The following SYCP1 variants were observed in gnomAD, a reference collection of about 807,000 sequenced individuals.
SYCP1 encodes the protein cancer/testis antigen 8.
Under a neutral mutation model 153.1 loss-of-function variants are expected in SYCP1, and 64 were observed. The observed-to-expected ratio is 0.42, with a 90% CI of 0.34 to 0.51. SYCP1 has a LOEUF of 0.51. Among genes scored for constraint, SYCP1 ranks in the 20% least tolerant of loss-of-function variants. SYCP1 has a pLI of 0.06. For synonymous variants in SYCP1, 384 were observed against 341.8 expected, an observed-to-expected ratio of 1.12 and a Z score of -1.36; for missense variants, 997 against 1,049.0, an observed-to-expected ratio of 0.95 and a Z score of 0.68.
At chr1:114,944,828 G>GC (rs1557822011) in intron 24 of SYCP1, 44 bp from the exon 25 acceptor site, 1 of 1,334,036 alleles carries the variant, frequency 7.5e-7, no homozygotes, top group Admixed American at 2.4e-5. Flanking sequence ...TTTGTTTTTT[G>GC]TGCATTTATT....
intron 23 of SYCP1, among the ~76,000 whole-genome samples, chr1:114,929,603 G>C (rs1669494680): frequency 6.6e-6 from 1 of 151,890 alleles, no homozygotes; most frequent in African/African-American, 2.4e-5. Context: ...AAGACAAGTA[G>C]TATTATTAAA....
chr1:114,869,617 A>G, intron 8 of SYCP1, among the ~76,000 whole-genome samples: 1 of 152,176 alleles, frequency 6.6e-6, no homozygotes, highest in East Asian at 1.9e-4. Context: ...AATACTCCAA[A>G]ATCCAATTGA....
At chr1:114,887,973 G>T (rs1363939074) in intron 15 of SYCP1, among the ~76,000 whole-genome samples, 1 of 151,990 alleles carries the variant, frequency 6.6e-6, no homozygotes. Flanking sequence ...TTGATATTCT[G>T]TTTTCTTTAT....
At chr1:114,883,922 A>C (rs1191947240) in intron 12 of SYCP1, among the ~76,000 whole-genome samples, 1 of 152,014 alleles carries the variant, frequency 6.6e-6, no homozygotes, top group African/African-American at 2.4e-5. Flanking sequence ...CGAACTCCTG[A>C]CCTCATGATC....
intron 23 of SYCP1, among the ~76,000 whole-genome samples, chr1:114,940,726 T>TGAAAAAAAAAA (rs1378228728): frequency 1.3e-5 from 2 of 152,212 alleles, no homozygotes; most frequent in Non-Finnish European, 2.9e-5. Context: ...CTTACATACA[T>TGAAAAAAAAAA]GAAAATAATG....
At chr1:114,923,757 T>C (rs907821619) in intron 21 of SYCP1, 2 of 283,740 alleles carry the variant, frequency 7.0e-6, no homozygotes, top group Non-Finnish European at 1.2e-5. Flanking sequence ...TTTTAACGTG[T>C]TAAATATTTA....
chr1:114,870,613 G>A (rs1665049147), intron 8 of SYCP1, among the ~76,000 whole-genome samples: 1 of 152,132 alleles, frequency 6.6e-6, no homozygotes, highest in Admixed American at 6.5e-5. Flanking sequence ...CCAGTCTGTG[G>A]CTTGTATTCT....
intron 11 of SYCP1, 134 bp from the exon 12 acceptor site, chr1:114,877,960 G>A: frequency 1.8e-6 from 1 of 540,564 alleles, no homozygotes; most frequent in Non-Finnish European, 3.3e-6. Flanking sequence ...AGGGAGTAGA[G>A]ACCAGGGTGG....
intron 23 of SYCP1, 105 bp downstream of exon 23, chr1:114,926,668 A>G (rs1669275314): frequency 2.1e-6 from 2 of 960,646 alleles, no homozygotes. Context: ...TTATACCATA[A>G]CAGTATCAAT....
chr1:114,956,253 G>C (rs146474041), intron 27 of SYCP1, among the ~76,000 whole-genome samples: 1 of 152,240 alleles, frequency 6.6e-6, no homozygotes, highest in South Asian at 2.1e-4. Flanking sequence ...GATGGGTGGT[G>C]GGGGGACAGT....
intron 17 of SYCP1, among the ~76,000 whole-genome samples, chr1:114,911,007 C>T (rs972592027): frequency 1.3e-5 from 2 of 152,064 alleles, no homozygotes; most frequent in Admixed American, 6.5e-5. Context: ...TTATAGTGCT[C>T]ATGTTATAGT....
At chr1:114,856,182 C>A (rs1298441188) in intron 2 of SYCP1, among the ~76,000 whole-genome samples, 4 of 152,134 alleles carry the variant, frequency 2.6e-5, no homozygotes, top group Non-Finnish European at 5.9e-5. Flanking sequence ...TAAAACAATT[C>A]TTGTGGCTGC....
intron 15 of SYCP1, among the ~76,000 whole-genome samples, chr1:114,889,174 A>G (rs1223392141): frequency 6.6e-6 from 1 of 152,180 alleles, no homozygotes; most frequent in African/African-American, 2.4e-5. Context: ...ATATGTGTGC[A>G]TGTGTCTTTA....
At chr1:114,860,018 TA>T (rs1404352932) in intron 7 of SYCP1, among the ~76,000 whole-genome samples, 5 of 152,200 alleles carry the variant, frequency 3.3e-5, no homozygotes, top group Non-Finnish European at 7.4e-5. Flanking sequence ...CTTCACTTTT[TA>T]AAATGTCAGG....
At chr1:114,918,146 T>G (rs1055263732) in intron 20 of SYCP1, among the ~76,000 whole-genome samples, 6 of 152,132 alleles carry the variant, frequency 3.9e-5, no homozygotes, top group African/African-American at 1.4e-4. Flanking sequence ...TGATCCATTT[T>G]GATTTGATTT....
chr1:114,893,382 CATCTCT>C (rs918823459), intron 15 of SYCP1, among the ~76,000 whole-genome samples: 10 of 152,006 alleles, frequency 6.6e-5, no homozygotes, highest in African/African-American at 2.2e-4. Context: ...CTATCTATCT[CATCTCT>C]ATCTCTATCT....
At chr1:114,878,244 C>T (rs1170648449) in intron 12 of SYCP1, 42 bp downstream of exon 12, 1 of 1,214,206 alleles carries the variant, frequency 8.2e-7, no homozygotes, top group Non-Finnish European at 1.2e-6. Flanking sequence ...CTTATGTATT[C>T]CTCTTGTTAT....
At position 114,957,048 on chromosome 1, in the gene SYCP1, TTTG is replaced by T. The variant is rs912498235; in HGVS notation, c.2322+9746_2322+9748del. 1.6e-4 allele frequency among the ~76,000 whole-genome samples: 24 copies of T among 145,798 alleles called. No homozygotes were observed. The East Asian group carries it at 4.3e-3, about 26-fold the overall frequency. ...CTCAAAGAATTAGAAATGGCCAGGTTTTGTTGTTGTTGTTGTTGTTTGTTTGTT... is the reference window on the plus strand; with the variant it reads ...CTCAAAGAATTAGAAATGGCCAGGTTTTGTTGTTGTTGTTGTTTGTTTGTT... On this transcript the variant is annotated intron_variant, in intron 27 of 31. Transcript: ENST00000369522.
intron 12 of SYCP1, among the ~76,000 whole-genome samples, chr1:114,878,833 G>A (rs1341785560): frequency 2.0e-5 from 3 of 152,204 alleles, no homozygotes; most frequent in Non-Finnish European, 4.4e-5. Flanking sequence ...GTGAGCCACT[G>A]CGCCTAGCAA....
Sources: allele counts gnomAD v4.1 joint callset (sites outside exome capture counted in the v4.1 genomes callset), GRCh38; gene constraint gnomAD v4.1.1; transcripts MANE v1.5; gene names NCBI Gene and HGNC (gene_info 2026-07-23, HGNC 2026-07-21).